TNN: variants seen among roughly 807,000 people sequenced by gnomAD.
TNN encodes the protein tenascin-N.
In TNN, 122 loss-of-function variants were observed where a neutral mutation model predicts 134.4. The observed-to-expected ratio is 0.91, with a 90% CI of 0.78 to 1.06. The LOEUF (loss-of-function observed/expected upper bound fraction) is 1.06. TNN is among the 50% of genes least tolerant of loss of function. TNN has a pLI of 0.00. For missense variants in TNN, 1,739 were observed against 1,699.4 expected (o/e 1.02, Z -0.41); for synonymous variants, 710 against 670.3 (o/e 1.06, Z -0.91).
rs56910093 is a variant in TNN at position 175,107,298 on chromosome 1, G to A, written c.2119+8703G>A. On this transcript the variant is annotated intron_variant, in intron 9 of 18. Coordinates refer to ENST00000239462, the MANE Select transcript of TNN (RefSeq NM_022093.2). ...CTCAGGAGTGAAGCTGCAGACCTTC[G>A]TGGTGAGTGTTACAGCTCTTAAGGT... Among the ~76,000 whole-genome samples the A allele has an allele frequency of 4.6e-3, 644 of 140,018 alleles. 49 individuals are homozygous for A. Among genetic ancestry groups the A allele is most frequent in the African/African-American group, 0.015 (598 of 39,368 alleles). The allele number at this position is 140,018 out of a possible 152,430, so 91.9% of individuals were successfully genotyped here.
At chr1:175,133,330 C>G (rs1018613189) in intron 15 of TNN, among the ~76,000 whole-genome samples, 1 of 152,226 alleles carries the variant, frequency 6.6e-6, no homozygotes, top group South Asian at 2.1e-4. Context: ...AACTCTGCCT[C>G]CATTTTCTTG....
At chr1:175,086,087 G>A (rs977531927) in intron 6 of TNN, among the ~76,000 whole-genome samples, 4 of 152,116 alleles carry the variant, frequency 2.6e-5, no homozygotes, top group Non-Finnish European at 5.9e-5. Context: ...TTCTATCACC[G>A]CGTTGTTTTT....
At chr1:175,079,130 GC>G (rs1413326995) in intron 2 of TNN, among the ~76,000 whole-genome samples, 1 of 152,148 alleles carries the variant, frequency 6.6e-6, no homozygotes, top group Non-Finnish European at 1.5e-5. Flanking sequence ...AGAAAGCCTG[GC>G]CCAGGCTGGA....
chr1:175,104,796 C>T lies in TNN; in HGVS notation c.2119+6201C>T, dbSNP rs931439639. On this transcript the variant is annotated intron_variant, in intron 9 of 18. Coordinates refer to ENST00000239462, the MANE Select transcript of TNN (RefSeq NM_022093.2). ...AGAATCAATTGACCCTCGAGTGATT[C>T]GGGTGACAGGGGAGTATATTTTCTT... Among the ~76,000 whole-genome samples the T allele has an allele frequency of 8.2e-5, 12 of 145,872 alleles. 3 individuals carry two copies. Among genetic ancestry groups the T allele is most frequent in the East Asian group, 2.3e-4 (1 of 4,360 alleles).
chr1:175,083,831 AGGT>A lies in TNN; in HGVS notation c.1133_1135del (p.Val378del), dbSNP rs1333886893. On this transcript the variant is annotated inframe_deletion, in exon 5 of 19. Coordinates refer to ENST00000239462, the MANE Select transcript of TNN (RefSeq NM_022093.2). ...GTGGAGTGGGAAAACCCCTCAACTG[AGGT>A]GGACTACTACAAGCTGCGATATGGC... The A allele has an allele frequency of 3.1e-6, 5 of 1,614,074 alleles. No homozygotes were observed. Among genetic ancestry groups the A allele is most frequent in the Non-Finnish European group, 4.2e-6 (5 of 1,180,030 alleles).
intron 11 of TNN, among the ~76,000 whole-genome samples, chr1:175,120,324 T>C (rs1675317272): frequency 6.6e-6 from 1 of 152,176 alleles, no homozygotes; most frequent in Non-Finnish European, 1.5e-5. Context: ...GAGATGAACA[T>C]GGTGTAGGTA....
At chr1:175,078,763 C>A (rs1163798860) in intron 2 of TNN, among the ~76,000 whole-genome samples, 1 of 152,162 alleles carries the variant, frequency 6.6e-6, no homozygotes, top group Non-Finnish European at 1.5e-5. Context: ...GAGAGGGGAG[C>A]CTGGTTAAAT....
intron 7 of TNN, among the ~76,000 whole-genome samples, chr1:175,096,945 G>A (rs749832559): frequency 5.3e-5 from 8 of 152,146 alleles, no homozygotes; most frequent in Non-Finnish European, 1.2e-4. Flanking sequence ...AAGTCTCCTG[G>A]TTCCCTGGCC....
Position 175,138,424 on chromosome 1 carries a change from T to C in TNN, c.3595+1436T>C, listed in dbSNP as rs138758666. ...GTCCCTGAGACCCAAATAAGTTCCA[T>C]AGGGGTGAATGAAAGGTGAGTTTGG... On this transcript the variant is annotated intron_variant, in intron 17 of 18. Coordinates refer to ENST00000239462, the MANE Select transcript of TNN (RefSeq NM_022093.2). 7.9e-5 allele frequency among the ~76,000 whole-genome samples: 12 copies of C among 152,076 alleles called. No homozygotes were observed. The East Asian group carries it at 9.7e-4, about 12-fold the overall frequency.
At chr1:175,132,195 G>A (rs540330564) in intron 15 of TNN, among the ~76,000 whole-genome samples, 1 of 152,208 alleles carries the variant, frequency 6.6e-6, no homozygotes, top group South Asian at 2.1e-4. Context: ...CACCTTGCTA[G>A]GAAATTAGCA....
intron 4 of TNN, among the ~76,000 whole-genome samples, chr1:175,082,501 A>C (rs2149428055): frequency 6.6e-6 from 1 of 152,006 alleles, no homozygotes; most frequent in Admixed American, 6.5e-5. Flanking sequence ...TTTATTACTC[A>C]CCTCTTGACC....
intron 1 of TNN, among the ~76,000 whole-genome samples, chr1:175,068,797 A>G (rs1192108051): frequency 6.6e-6 from 1 of 152,196 alleles, no homozygotes; most frequent in African/African-American, 2.4e-5. Context: ...AATCCCAGCT[A>G]CTTGGGAGGC....
At chr1:175,128,454 T>G (rs1296511693) in intron 14 of TNN, 141 bp from the exon 15 acceptor site, 1 of 1,068,844 alleles carries the variant, frequency 9.4e-7, no homozygotes, top group African/African-American at 1.6e-5. Context: ...AAATAAGATA[T>G]GAGTGAAGAG....
chr1:175,080,048 C>T, intron 3 of TNN, 115 bp from the exon 4 acceptor site: 1 of 1,413,326 alleles, frequency 7.1e-7, no homozygotes. Flanking sequence ...GGGAATGGCG[C>T]CTTACACAGG....
At chr1:175,086,503 A>G (rs990222418) in intron 6 of TNN, among the ~76,000 whole-genome samples, 11 of 152,214 alleles carry the variant, frequency 7.2e-5, no homozygotes, top group Non-Finnish European at 1.0e-4. Flanking sequence ...GTGATCTAGA[A>G]CATAGTGCCA....
rs189813048 is a variant in TNN, at chr1:175,091,705, C to T, written c.1325-2285C>T. On this transcript the variant is annotated intron_variant, in intron 6 of 18. Transcript: ENST00000239462. ...CCAGGTTCAAGCCATTCTCGTGCCT[C>T]AGCCTCCCGAGTAGCTGGGATTACA... Among the ~76,000 whole-genome samples, 166 of 152,184 alleles carry T rather than the reference C, an allele frequency of 1.1e-3. 1 individual carries two copies. Among genetic ancestry groups the T allele is most frequent in the African/African-American group, 3.9e-3 (161 of 41,520 alleles).
chr1:175,123,462 T>A lies in TNN; in HGVS notation c.2713T>A (p.Trp905Arg). The A allele has an allele frequency of 6.2e-7, 1 of 1,614,220 alleles. No homozygotes were observed. Among genetic ancestry groups the A allele is most frequent in the Non-Finnish European group, 8.5e-7 (1 of 1,180,038 alleles). ...GACGGAGAATATGGCCACTGTCTCC[T>A]GGGACCCGGTTCAGGCCACCATTGA... ...WVTENMATVS[W>R]DPVQATIDKY... Residue 905 changes from tryptophan to arginine, a missense_variant, in exon 12 of 19, where the codon TGG becomes AGG. Coordinates refer to ENST00000239462, the MANE Select transcript of TNN (RefSeq NM_022093.2).
chr1:175,123,634 G>C lies in TNN; in HGVS notation c.2885G>C (p.Ser962Thr), dbSNP rs777005653. Residue 962 changes from serine to threonine, a missense_variant, in exon 12 of 19, where the codon AGC becomes ACC. Ser to Thr is a moderately conservative substitution (Grantham distance 58, BLOSUM62 1). Coordinates refer to ENST00000239462, the MANE Select transcript of TNN (RefSeq NM_022093.2). ...HVWAQKGAQE[S>T]KKADTKAQTE... ...TGGGCCCAGAAGGGGGCCCAGGAGA[G>C]CAAGAAGGCTGACACCAAGGCCCAG... 5 of 1,614,096 alleles carry C rather than the reference G, an allele frequency of 3.1e-6. No individual in the cohort carries two copies. Among genetic ancestry groups the C allele is most frequent in the East Asian group, 2.2e-5 (1 of 44,890 alleles).
chr1:175,116,886 C>T, intron 9 of TNN, 53 bp from the exon 10 acceptor site: 1 of 1,612,764 alleles, frequency 6.2e-7, no homozygotes, highest in South Asian at 1.1e-5. Context: ...GCCCAGATCT[C>T]ACTCTTTGGT....
Sources: gnomAD v4.1 joint callset for allele counts (sites outside exome capture counted in the v4.1 genomes callset) on GRCh38, gnomAD v4.1.1 for gene constraint, MANE v1.5 for transcripts, NCBI Gene and HGNC (gene_info 2026-07-23, HGNC 2026-07-21) for gene names.